The following PDGFC variants were observed in gnomAD, a reference collection of about 807,000 sequenced individuals.
PDGFC encodes the protein platelet derived growth factor C, also known as platelet-derived growth factor C.
In PDGFC, 12 loss-of-function variants were observed where a neutral mutation model predicts 35.5. The ratio of observed to expected loss-of-function variants is 0.34; its 90% confidence interval spans 0.22 to 0.55. The LOEUF is 0.55. Among genes scored for constraint, PDGFC ranks in the 20% least tolerant of loss-of-function variants. PDGFC has a pLI of 0.91. For synonymous variants in PDGFC, 159 were observed against 148.8 expected, an observed-to-expected ratio of 1.07 and a Z score of -0.50; for missense variants, 322 against 412.4, an observed-to-expected ratio of 0.78 and a Z score of 1.90.
At chr4:156,866,962 T>TGA (rs1042204745) in intron 1 of PDGFC, among the ~76,000 whole-genome samples, 22 of 152,230 alleles carry the variant, frequency 1.4e-4, no homozygotes, top group Admixed American at 6.5e-4. Context: ...TACCTGCTAC[T>TGA]GAGTGTTGTA....
chr4:156,960,675 A>G (rs1487001642), intron 1 of PDGFC, among the ~76,000 whole-genome samples: 6 of 151,952 alleles, frequency 3.9e-5, no homozygotes, highest in African/African-American at 1.4e-4. Flanking sequence ...AGGACACCCC[A>G]TCTCAGGCTA....
intron 1 of PDGFC, among the ~76,000 whole-genome samples, chr4:156,904,743 T>G (rs947036800): frequency 6.6e-6 from 1 of 152,056 alleles, no homozygotes; most frequent in African/African-American, 2.4e-5. Flanking sequence ...TGCCAACAGG[T>G]GCATTTAGGT....
chr4:156,950,767 GT>G (rs1270275169), intron 1 of PDGFC, among the ~76,000 whole-genome samples: 1 of 151,546 alleles, frequency 6.6e-6, no homozygotes, highest in African/African-American at 2.4e-5. Flanking sequence ...ACTTCCAAAT[GT>G]TTATAATTGT....
chr4:156,850,997 G>A (rs1402509990), intron 1 of PDGFC, among the ~76,000 whole-genome samples: 1 of 152,124 alleles, frequency 6.6e-6, no homozygotes, highest in African/African-American at 2.4e-5. Flanking sequence ...ACTGATCTTT[G>A]AAATGTCAAT....
At position 156,857,895 on chromosome 4, in the gene PDGFC, G is replaced by A. The variant is rs539394310; in HGVS notation, c.119-7479C>T. ...GATGCACAAAAGTGGGCAGATGTAC[G>A]GTAGTATTGAAAAATGCAGCTAGAT... On this transcript the variant is annotated intron_variant, in intron 1 of 5. Transcript: ENST00000502773. Among the ~76,000 whole-genome samples the A allele has an allele frequency of 4.1e-4, 63 of 152,030 alleles. No individual in the cohort carries two copies. The South Asian group carries it at 0.011, about 26-fold the overall frequency.
At chr4:156,960,906 T>C (rs554495686) in intron 1 of PDGFC, among the ~76,000 whole-genome samples, 74 of 152,260 alleles carry the variant, frequency 4.9e-4, no homozygotes, top group Admixed American at 1.8e-3. Context: ...GTTTTTCCTA[T>C]GTTCTTTACA....
intron 1 of PDGFC, among the ~76,000 whole-genome samples, chr4:156,963,278 G>A (rs1732384376): frequency 6.6e-6 from 1 of 151,810 alleles, no homozygotes; most frequent in Admixed American, 6.6e-5. Flanking sequence ...GACCAGCCTG[G>A]GCAACATAGT....
rs540607990 is a variant in PDGFC at position 156,946,468 on chromosome 4, A to G, written c.118+24318T>C. Among the ~76,000 whole-genome samples the G allele has an allele frequency of 3.3e-5, 5 of 152,232 alleles. No individual in the cohort carries two copies. In the South Asian group the frequency reaches 1.0e-3, roughly 32 times the overall value. ...TAGTGAGGTTTCCACCTTTGTGATG[A>G]AAAATGGCCTTGGTATTATTTTATT... On this transcript the variant is annotated intron_variant, in intron 1 of 5. Transcript: ENST00000502773.
At chr4:156,863,290 C>A (rs1729761249) in intron 1 of PDGFC, among the ~76,000 whole-genome samples, 1 of 152,066 alleles carries the variant, frequency 6.6e-6, no homozygotes, top group Non-Finnish European at 1.5e-5. Context: ...ACAACATAAA[C>A]CTTCAATACA....
At position 156,961,771 on chromosome 4, in the gene PDGFC, TC is replaced by T. The variant is rs367626964; in HGVS notation, c.118+9014del. On this transcript the variant is annotated intron_variant, in intron 1 of 5. Transcript: ENST00000502773. Reference sequence around the variant, plus strand: ...TTAATTCAGTGTCCTGGAAGCTGCCTCCCTTTTATCCCAATTGCGGATCCTT... The same window carrying T: ...TTAATTCAGTGTCCTGGAAGCTGCCTCCTTTTATCCCAATTGCGGATCCTT... 1.9e-3 allele frequency among the ~76,000 whole-genome samples: 286 copies of T among 152,256 alleles called. 2 individuals are homozygous for T. The highest frequency in any genetic ancestry group is 6.7e-3 in the African/African-American group (278 of 41,564).
chr4:156,788,206 GA>G (rs1261595091), intron 3 of PDGFC, among the ~76,000 whole-genome samples: 3 of 149,828 alleles, frequency 2.0e-5, no homozygotes, highest in South Asian at 4.3e-4. Context: ...AGTGATAGGA[GA>G]AAAAAAAACA....
intron 1 of PDGFC, among the ~76,000 whole-genome samples, chr4:156,853,604 C>G (rs1338630173): frequency 6.6e-6 from 1 of 152,056 alleles, no homozygotes; most frequent in Non-Finnish European, 1.5e-5. Flanking sequence ...CAGTGTATCT[C>G]CTAAGAATAC....
At chr4:156,859,911 C>T (rs1183035637) in intron 1 of PDGFC, among the ~76,000 whole-genome samples, 1 of 151,982 alleles carries the variant, frequency 6.6e-6, no homozygotes, top group African/African-American at 2.4e-5. Context: ...GAGTGAAAAG[C>T]TTAAACATGA....
At chr4:156,839,906 T>C (rs995199318) in intron 2 of PDGFC, among the ~76,000 whole-genome samples, 9 of 152,304 alleles carry the variant, frequency 5.9e-5, no homozygotes, top group African/African-American at 2.2e-4. Flanking sequence ...TGGCGGTTTT[T>C]TGCTCCTGCC....
At chr4:156,938,291 C>T (rs967039247) in intron 1 of PDGFC, among the ~76,000 whole-genome samples, 3 of 151,868 alleles carry the variant, frequency 2.0e-5, no homozygotes, top group Admixed American at 6.6e-5. Flanking sequence ...AGATCCTAAG[C>T]GCTAAATAAA....
At chr4:156,950,113 A>G (rs1240820754) in intron 1 of PDGFC, among the ~76,000 whole-genome samples, 1 of 151,936 alleles carries the variant, frequency 6.6e-6, no homozygotes, top group Non-Finnish European at 1.5e-5. Context: ...TTTCTGGCAT[A>G]AGGATTATTT....
rs907950153 is a variant in PDGFC, at chr4:156,773,262, T to A, written c.496-369A>T. 4.6e-5 allele frequency among the ~76,000 whole-genome samples: 7 copies of A among 152,156 alleles called. No individual in the cohort carries two copies. The East Asian group carries it at 1.3e-3, about 29-fold the overall frequency. ...TTTTCATTTTCCTTAATCTGAAAAA[T>A]TACCTGGTAGTTATGCAAATTAGTG... On this transcript the variant is annotated intron_variant, in intron 3 of 5. Transcript: ENST00000502773.
chr4:156,918,744 G>A lies in PDGFC; in HGVS notation c.118+52042C>T, dbSNP rs540904240. Among the ~76,000 whole-genome samples, 17 of 152,238 alleles carry A rather than the reference G, an allele frequency of 1.1e-4. No homozygotes were observed. The East Asian group carries it at 2.3e-3, about 21-fold the overall frequency. ...CTGGTCTGAAGGACAACTCTCTTCC[G>A]TGAAACTGATCCCTGGTGCCAAAAA... On this transcript the variant is annotated intron_variant, in intron 1 of 5. Coordinates refer to ENST00000502773, the MANE Select transcript of PDGFC (RefSeq NM_016205.3).
intron 1 of PDGFC, among the ~76,000 whole-genome samples, chr4:156,898,441 A>G (rs146587111): frequency 6.6e-6 from 1 of 152,340 alleles, no homozygotes; most frequent in Non-Finnish European, 1.5e-5. Flanking sequence ...CCTATAAGTG[A>G]GAATAAAATA....
Sources: gnomAD v4.1 joint callset for allele counts (sites outside exome capture counted in the v4.1 genomes callset) on GRCh38, gnomAD v4.1.1 for gene constraint, MANE v1.5 for transcripts, NCBI Gene and HGNC (gene_info 2026-07-23, HGNC 2026-07-21) for gene names.